The following C6 variants were observed in gnomAD, a reference collection of about 807,000 sequenced individuals.
The protein encoded by C6 is complement C6.
In C6, 101 loss-of-function variants were observed where a neutral mutation model predicts 112.9. The ratio of observed to expected loss-of-function variants is 0.89; its 90% CI spans 0.76 to 1.06. The LOEUF (loss-of-function observed/expected upper bound fraction) is 1.06. Among genes scored for constraint, C6 ranks in the 50% least tolerant of loss-of-function variants. C6 has a pLI of 0.00. For synonymous variants in C6, 431 were observed against 384.1 expected (o/e 1.12, Z -1.43); for missense variants, 1,202 against 1,104.6 (o/e 1.09, Z -1.25).
chr5:41,217,073 C>T (rs1427868540), upstream of C6, among the ~76,000 whole-genome samples: 1 of 151,984 alleles, frequency 6.6e-6, no homozygotes, highest in Non-Finnish European at 1.5e-5. Context: ...ATATTTTTTC[C>T]CTTGAAACTT....
At chr5:41,204,940 A>G (rs1482723043) in intron 1 of C6, among the ~76,000 whole-genome samples, 1 of 152,084 alleles carries the variant, frequency 6.6e-6, no homozygotes. Flanking sequence ...AAGTGCTGGG[A>G]TTATCAGTAA....
chr5:41,230,978 A>G (rs1351242957), intron 1 of C6, among the ~76,000 whole-genome samples: 3 of 152,148 alleles, frequency 2.0e-5, no homozygotes, highest in Non-Finnish European at 2.9e-5. Context: ...CATACAATAA[A>G]TTCTATTTAG....
chr5:41,211,294 G>T (rs149503565), intron 1 of C6, among the ~76,000 whole-genome samples: 1 of 143,704 alleles, frequency 7.0e-6, no homozygotes, highest in African/African-American at 2.5e-5. Flanking sequence ...GCTAAATGAC[G>T]AGTTAATGGG....
At chr5:41,159,986 AG>A (rs1747318500) in intron 11 of C6, among the ~76,000 whole-genome samples, 155 bp downstream of exon 11, 1 of 152,186 alleles carries the variant, frequency 6.6e-6, no homozygotes, top group Non-Finnish European at 1.5e-5. Context: ...GGTAGGTTAC[AG>A]CTGAGACTCA....
intron 1 of C6, among the ~76,000 whole-genome samples, chr5:41,219,329 G>A (rs900370339): frequency 9.2e-5 from 14 of 152,188 alleles, no homozygotes; most frequent in Non-Finnish European, 2.9e-5. Context: ...AGATTTGTCT[G>A]TAGGATGGAA....
intron 7 of C6, among the ~76,000 whole-genome samples, chr5:41,179,495 T>C (rs1341820951): frequency 6.6e-6 from 1 of 151,932 alleles, no homozygotes; most frequent in East Asian, 1.9e-4. Flanking sequence ...AAAGGCCATA[T>C]TCCCATGCCC....
intron 1 of C6, among the ~76,000 whole-genome samples, chr5:41,238,944 A>G (rs1272160746): frequency 2.6e-5 from 4 of 152,088 alleles, no homozygotes; most frequent in Admixed American, 1.3e-4. Flanking sequence ...TAACATTCCT[A>G]AAAATCTAAA....
At chr5:41,181,674 G>A in intron 6 of C6, 115 bp from the exon 7 acceptor site, 2 of 873,880 alleles carry the variant, frequency 2.3e-6, no homozygotes, top group African/African-American at 1.7e-5. Context: ...ATTTATTGAG[G>A]ACACATTTTG....
intron 17 of C6, among the ~76,000 whole-genome samples, chr5:41,147,561 A>G (rs1745947967): frequency 1.3e-5 from 2 of 152,204 alleles, no homozygotes; most frequent in African/African-American, 2.4e-5. Flanking sequence ...ACTGAGCTGA[A>G]GAACACTGGG....
chr5:41,178,961 C>G (rs890952763), intron 7 of C6, among the ~76,000 whole-genome samples: 1 of 152,186 alleles, frequency 6.6e-6, no homozygotes, highest in Non-Finnish European at 1.5e-5. Flanking sequence ...TCAAGTGATT[C>G]TCCTGTCTCA....
At chr5:41,236,332 G>T in intron 1 of C6, among the ~76,000 whole-genome samples, 1 of 146,148 alleles carries the variant, frequency 6.8e-6, no homozygotes, top group Non-Finnish European at 1.5e-5. Context: ...TATTAAATAG[G>T]GAATCCTTTC....
intron 1 of C6, among the ~76,000 whole-genome samples, chr5:41,256,448 A>C (rs1401665441): frequency 1.3e-4 from 20 of 149,480 alleles, no homozygotes; most frequent in African/African-American, 4.9e-4. Flanking sequence ...AAAAGTAAAA[A>C]AAAAAAAAAA....
In C6 at chr5:41,150,069, G is replaced by T. The variant is rs377500308; in HGVS notation, c.2291-44C>A. The T allele has an allele frequency of 1.2e-5, 14 of 1,171,140 alleles. No individual in the cohort carries two copies. In the African/African-American group the frequency reaches 2.1e-4, roughly 18 times the overall value. 72.5% of individuals were successfully genotyped at this position (1,171,140 alleles called of 1,614,324 possible). A position where few individuals can be genotyped will look rare whatever the true frequency, so the allele number is the denominator to read the frequency against. On this transcript the variant is annotated intron_variant, in intron 15 of 17. Transcript: ENST00000337836. ...GGAGAAAAGAACAGTGCACAGCATGGATTCTAAGTGATAAGCTTGAATTCA... is the reference window on the plus strand; with the variant it reads ...GGAGAAAAGAACAGTGCACAGCATGTATTCTAAGTGATAAGCTTGAATTCA...
chr5:41,183,762 T>C (rs1324097829), intron 6 of C6, among the ~76,000 whole-genome samples: 1 of 152,116 alleles, frequency 6.6e-6, no homozygotes, highest in African/African-American at 2.4e-5. Flanking sequence ...TGGATAAAGA[T>C]AATGTGGTAC....
intron 1 of C6, among the ~76,000 whole-genome samples, chr5:41,259,436 A>T (rs1379840682): frequency 6.6e-6 from 1 of 151,908 alleles, no homozygotes; most frequent in African/African-American, 2.4e-5. Flanking sequence ...TGTTAATTTC[A>T]ATTTTAAATT....
chr5:41,143,835 C>T (rs115798081), intron 17 of C6, among the ~76,000 whole-genome samples: 3,747 of 152,272 alleles, frequency 0.025, 46 homozygotes, highest in Non-Finnish European at 0.025. Context: ...TCCTATGAGG[C>T]CTGCTTTTGG....
At chr5:41,230,664 G>A (rs904649874) in intron 1 of C6, among the ~76,000 whole-genome samples, 1 of 152,082 alleles carries the variant, frequency 6.6e-6, no homozygotes, top group Admixed American at 6.6e-5. Context: ...GCCCTTTGAA[G>A]CATATGATCC....
chr5:41,258,860 A>G (rs1223627989), intron 1 of C6, among the ~76,000 whole-genome samples: 1 of 152,180 alleles, frequency 6.6e-6, no homozygotes, highest in Non-Finnish European at 1.5e-5. Flanking sequence ...GAAGCATCAG[A>G]TCTCATGAGA....
rs16870973 is a variant in C6 at position 41,185,697 on chromosome 5, C to G, written c.726+373G>C. ...AAAAAAGTCTATTTTTTGTGGTTAT[C>G]TAAGAGCACTACCTAGGTTAGGAGA... On this transcript the variant is annotated intron_variant, in intron 6 of 17. Transcript: ENST00000337836. 3.3e-3 allele frequency among the ~76,000 whole-genome samples: 509 copies of G among 152,152 alleles called. 9 individuals are homozygous for G. The highest frequency in any genetic ancestry group is 0.025 in the East Asian group (131 of 5,170).
Sources: allele counts gnomAD v4.1 joint callset (sites outside exome capture counted in the v4.1 genomes callset), GRCh38; gene constraint gnomAD v4.1.1; transcripts MANE v1.5; gene names NCBI Gene and HGNC (gene_info 2026-07-23, HGNC 2026-07-21).